The following COL9A1 variants were observed in gnomAD, a reference collection of about 807,000 sequenced individuals.
COL9A1 encodes the protein collagen alpha-1(IX) chain.
A neutral mutation model predicts 142.6 loss-of-function variants in COL9A1; 104 were observed. The ratio of observed to expected loss-of-function variants is 0.73; its 90% confidence interval spans 0.62 to 0.86. The LOEUF (loss-of-function observed/expected upper bound fraction) is 0.86. Among genes scored for constraint, COL9A1 ranks in the 40% least tolerant of loss-of-function variants. The pLI is 0.00. For synonymous variants in COL9A1, 466 were observed against 396.0 expected, an observed-to-expected ratio of 1.18 and a Z score of -2.10; for missense variants, 1,210 against 1,176.6, an observed-to-expected ratio of 1.03 and a Z score of -0.42.
chr6:70,249,821 C>T (rs916773277), intron 28 of COL9A1, among the ~76,000 whole-genome samples: 1 of 152,182 alleles, frequency 6.6e-6, no homozygotes, highest in Non-Finnish European at 1.5e-5. Context: ...TTCTTCATTG[C>T]TTTATGCAGC....
chr6:70,257,081 A>T (rs572375926), intron 20 of COL9A1, among the ~76,000 whole-genome samples: 88 of 102,178 alleles, frequency 8.6e-4, no homozygotes, highest in African/African-American at 3.1e-3. Context: ...TTTTTTGTAG[A>T]CAGGGTTTCG....
At chr6:70,234,357 C>A (rs1310550878) in intron 35 of COL9A1, among the ~76,000 whole-genome samples, 182 bp downstream of exon 35, 1 of 151,620 alleles carries the variant, frequency 6.6e-6, no homozygotes, top group Admixed American at 6.6e-5. Flanking sequence ...AGGCTACGGG[C>A]TGTATACTAT....
intron 5 of COL9A1, among the ~76,000 whole-genome samples, chr6:70,292,507 T>G (rs1773696531): frequency 6.6e-6 from 1 of 152,172 alleles, no homozygotes; most frequent in African/African-American, 2.4e-5. Context: ...AGAATAGAGT[T>G]GGCAGAAAAA....
At chr6:70,280,732 T>G in intron 10 of COL9A1, 80 bp downstream of exon 10, 6 of 1,376,534 alleles carry the variant, frequency 4.4e-6, no homozygotes, top group South Asian at 1.3e-5. Context: ...TCTCTCTCCC[T>G]CCCCCCCCAC....
At chr6:70,298,299 GA>G (rs1173280802) in intron 4 of COL9A1, among the ~76,000 whole-genome samples, 1 of 152,162 alleles carries the variant, frequency 6.6e-6, no homozygotes. Flanking sequence ...GCAACCTCAT[GA>G]CAGAGTTACT....
chr6:70,240,618 G>GTA lies in COL9A1; in HGVS notation c.2079+69_2079+70dup, dbSNP rs10686639. ...ATACCAATTTTGAACTGTGTTAGAA[G>GTA]TATATATATATACTTCTAACAGTTC... On this transcript the variant is annotated intron_variant, in intron 32 of 37. Coordinates refer to ENST00000357250, the MANE Select transcript of COL9A1 (RefSeq NM_001851.6). 53,384 of 979,754 alleles carry GTA rather than the reference G, an allele frequency of 0.054. 1,379 individuals are homozygous for GTA. Among genetic ancestry groups the GTA allele is most frequent in the African/African-American group, 0.097 (5,772 of 59,462 alleles). 60.7% of individuals were successfully genotyped at this position (979,754 alleles called of 1,614,324 possible).
intron 14 of COL9A1, among the ~76,000 whole-genome samples, chr6:70,270,896 C>A (rs1035947117): frequency 1.3e-5 from 2 of 152,176 alleles, no homozygotes; most frequent in African/African-American, 2.4e-5. Context: ...AAAGCTACAT[C>A]GAAGTAAACC....
Position 70,254,541 on chromosome 6 carries a change from G to A in COL9A1, c.1666-12C>T, listed in dbSNP as rs770848977. On this transcript the variant is annotated splice_polypyrimidine_tract_variant and intron_variant, in intron 24 of 37. Coordinates refer to ENST00000357250, the MANE Select transcript of COL9A1 (RefSeq NM_001851.6). ...TTTCCTGGTTCACCCTGCAAAAAAA[G>A]CTTTTATCACATGATTGAACCTGTA... is the stretch of plus-strand genomic sequence containing the variant. 47 of 1,613,662 alleles carry A rather than the reference G, an allele frequency of 2.9e-5. No individual in the cohort carries two copies. The Middle Eastern group carries it at 4.9e-4, about 17-fold the overall frequency.
At position 70,240,595 on chromosome 6, in the gene COL9A1, A is replaced by G. The variant is rs1386858256; in HGVS notation, c.2079+94T>C. On this transcript the variant is annotated intron_variant, in intron 32 of 37. Transcript: ENST00000357250. ...AAAATAAGAATATATATATATATAT[A>G]CCAATTTTGAACTGTGTTAGAAGTA... 6.0e-6 allele frequency: 4 copies of G among 665,012 alleles called. No homozygotes were observed. The Admixed American group carries it at 9.8e-5, about 16-fold the overall frequency. The allele number at this position is 665,012 out of a possible 1,614,324, so 41.2% of individuals were successfully genotyped here. A position where few individuals can be genotyped will look rare whatever the true frequency, so the allele number is the denominator to read the frequency against.
rs1241202533 is a variant in COL9A1 at position 70,280,945 on chromosome 6, G to A, written c.912+59C>T. On this transcript the variant is annotated intron_variant, in intron 9 of 37. Transcript: ENST00000357250. ...AAAGTTGAGACCCTTCAGAAACAGG[G>A]GGCTGCAAAACACGTCTAAAGGAAG... The A allele has an allele frequency of 5.0e-6, 8 of 1,612,620 alleles. No homozygotes were observed. In the South Asian group the frequency reaches 8.8e-5, roughly 18 times the overall value.
At chr6:70,285,320 C>A (rs1353001142) in intron 5 of COL9A1, among the ~76,000 whole-genome samples, 1 of 152,196 alleles carries the variant, frequency 6.6e-6, no homozygotes, top group East Asian at 1.9e-4. Flanking sequence ...CACCTACACG[C>A]TAATAATCAT....
intron 32 of COL9A1, among the ~76,000 whole-genome samples, chr6:70,239,725 G>C (rs1770127061): frequency 6.6e-6 from 1 of 152,138 alleles, no homozygotes; most frequent in South Asian, 2.1e-4. Flanking sequence ...AAATATGCCT[G>C]TTTTTATGCT....
chr6:70,280,267 C>A, intron 10 of COL9A1: 1 of 1,249,890 alleles, frequency 8.0e-7, no homozygotes, highest in Non-Finnish European at 1.0e-6. Context: ...TTTTGAATTT[C>A]TAAATTCCCC....
rs1711728 is a variant in COL9A1 at position 70,257,049 on chromosome 6, T to A, written c.1450-228A>T. ...CACAATCTTTGATGCCACTCTGTAA[T>A]TTTTTTTTTTTTTTTTTTTTTTTTT... On this transcript the variant is annotated intron_variant, in intron 20 of 37. Transcript: ENST00000357250. Among the ~76,000 whole-genome samples, 1,778 of 42,084 alleles carry A rather than the reference T, an allele frequency of 0.042. 30 individuals are homozygous for A. The highest frequency in any genetic ancestry group is 0.06 in the Non-Finnish European group (1,103 of 18,466). 27.6% of individuals were successfully genotyped at this position (42,084 alleles called of 152,430 possible).
rs1198683468 is a variant in COL9A1, at chr6:70,216,697, GGGAAA to G, written c.*195_*199del. ...GATGACTCTGCTGTCTTCCCTCCAA[GGGAAA>G]GGAAAGAGAACTTACTGAATAGCAC... is the stretch of plus-strand genomic sequence containing the variant. On this transcript the variant is annotated 3_prime_UTR_variant, in exon 38 of 38. Coordinates refer to ENST00000357250, the MANE Select transcript of COL9A1 (RefSeq NM_001851.6). 1.4e-5 allele frequency: 9 copies of G among 622,828 alleles called. No homozygotes were observed. In the South Asian group the frequency reaches 1.8e-4, roughly 12 times the overall value. The allele number at this position is 622,828 out of a possible 1,614,324, so 38.6% of individuals were successfully genotyped here.
chr6:70,223,434 C>A (rs1008863179), intron 37 of COL9A1, among the ~76,000 whole-genome samples: 1 of 152,082 alleles, frequency 6.6e-6, no homozygotes, highest in Non-Finnish European at 1.5e-5. Flanking sequence ...GTAAAATGCC[C>A]AATATCATAA....
chr6:70,293,531 T>C (rs1773728261), intron 5 of COL9A1, among the ~76,000 whole-genome samples: 1 of 151,858 alleles, frequency 6.6e-6, no homozygotes, highest in Non-Finnish European at 1.5e-5. Context: ...TATGCATCTA[T>C]ATAACTTTCA....
At chr6:70,240,852 T>C (rs1053794658) in intron 31 of COL9A1, 119 bp from the exon 32 acceptor site, 2 of 826,754 alleles carry the variant, frequency 2.4e-6, no homozygotes, top group Non-Finnish European at 4.2e-6. Context: ...CATGCAGAAA[T>C]ACAAAATGCT....
At chr6:70,285,922 C>A (rs975624906) in intron 5 of COL9A1, among the ~76,000 whole-genome samples, 1 of 152,092 alleles carries the variant, frequency 6.6e-6, no homozygotes, top group Admixed American at 6.5e-5. Flanking sequence ...TGAAGTCTCG[C>A]TCTGTTGCCA....
Sources: allele counts gnomAD v4.1 joint callset (sites outside exome capture counted in the v4.1 genomes callset), GRCh38; gene constraint gnomAD v4.1.1; transcripts MANE v1.5; gene names NCBI Gene and HGNC (gene_info 2026-07-23, HGNC 2026-07-21).